NBAS: variants seen among roughly 807,000 people sequenced by gnomAD.
NBAS encodes NBAS subunit of NRZ tethering complex.
NBAS carries 219 observed loss-of-function variants against 302.5 expected under a neutral mutation model. That is an observed-to-expected ratio of 0.72 (90% CI 0.65 to 0.81). The LOEUF (loss-of-function observed/expected upper bound fraction) is 0.81. Ranked by LOEUF, NBAS falls within the 30% of genes least tolerant of loss-of-function variation. The pLI is 0.00. For missense variants in NBAS, 2,932 were observed against 2,841.6 expected, an observed-to-expected ratio of 1.03 and a Z score of -0.72; for synonymous variants, 1,118 against 1,021.6, an observed-to-expected ratio of 1.09 and a Z score of -1.80.
At chr2:15,233,491 G>A (rs1328006700) in intron 46 of NBAS, among the ~76,000 whole-genome samples, 1 of 152,052 alleles carries the variant, frequency 6.6e-6, no homozygotes, top group African/African-American at 2.4e-5. Context: ...ATATTTTTGT[G>A]AGCTTCATCT....
At chr2:15,327,393 C>G (rs1672119973) in intron 38 of NBAS, among the ~76,000 whole-genome samples, 1 of 152,210 alleles carries the variant, frequency 6.6e-6, no homozygotes, top group Non-Finnish European at 1.5e-5. Flanking sequence ...GCAGAAAATT[C>G]TGAAGATCAA....
intron 21 of NBAS, among the ~76,000 whole-genome samples, chr2:15,436,464 C>G (rs933429350): frequency 6.6e-6 from 1 of 151,776 alleles, no homozygotes; most frequent in African/African-American, 2.4e-5. Flanking sequence ...CCTCCAATGA[C>G]AGAAAAAATT....
the NBAS span, among the ~76,000 whole-genome samples, chr2:15,016,892 A>G: frequency 3.0e-4 from 46 of 152,202 alleles, no homozygotes; most frequent in Non-Finnish European, 6.6e-4. Flanking sequence ...TATGGTGTAC[A>G]TGAGATGGTT....
chr2:14,846,440 GAAAAAAAA>G, the NBAS span, among the ~76,000 whole-genome samples: 2 of 101,780 alleles, frequency 2.0e-5, no homozygotes, highest in South Asian at 6.3e-4. Flanking sequence ...ACTTCAATTA[GAAAAAAAA>G]AAAAAAGGAT....
At chr2:15,042,568 C>A in the NBAS span, among the ~76,000 whole-genome samples, 1 of 152,204 alleles carries the variant, frequency 6.6e-6, no homozygotes. Context: ...GTCTTCTTTG[C>A]ATCTCTTCTG....
intron 1 of NBAS, 68 bp from the exon 2 acceptor site, chr2:15,558,702 C>G: frequency 2.5e-6 from 3 of 1,176,474 alleles, no homozygotes; most frequent in Non-Finnish European, 3.8e-6. Flanking sequence ...ATTACTTATA[C>G]AATATGTAAA....
intron 42 of NBAS, among the ~76,000 whole-genome samples, chr2:15,283,553 G>A (rs1298635212): frequency 1.3e-5 from 2 of 152,026 alleles, no homozygotes; most frequent in African/African-American, 2.4e-5. Context: ...TTCGTCTTTC[G>A]CCATGATTGT....
chr2:14,878,487 A>T, the NBAS span, among the ~76,000 whole-genome samples: 1 of 152,192 alleles, frequency 6.6e-6, no homozygotes, highest in Non-Finnish European at 1.5e-5. Flanking sequence ...CCTTTGGCCA[A>T]GGGAAATTCT....
At chr2:15,254,761 C>G (rs1425193167) in intron 44 of NBAS, among the ~76,000 whole-genome samples, 1 of 152,178 alleles carries the variant, frequency 6.6e-6, no homozygotes, top group African/African-American at 2.4e-5. Context: ...GTCCCCATAG[C>G]TTAGCTCCCA....
intron 22 of NBAS, among the ~76,000 whole-genome samples, chr2:15,425,105 A>G (rs989275297): frequency 6.6e-6 from 1 of 152,102 alleles, no homozygotes; most frequent in African/African-American, 2.4e-5. Context: ...GGGATTGCTG[A>G]TCATGAGGAG....
At chr2:15,188,870 T>G (rs1665211622) in intron 49 of NBAS, among the ~76,000 whole-genome samples, 1 of 152,198 alleles carries the variant, frequency 6.6e-6, no homozygotes, top group Non-Finnish European at 1.5e-5. Context: ...AATCTACAAT[T>G]CAACTCTAAT....
Position 15,539,443 on chromosome 2 carries a change from TCAAGTA to T in NBAS, c.380-93_380-88del, listed in dbSNP as rs146688942. 2.0e-4 allele frequency: 293 copies of T among 1,476,004 alleles called. No individual in the cohort carries two copies. The African/African-American group carries it at 3.6e-3, about 18-fold the overall frequency. 91.4% of individuals were successfully genotyped at this position (1,476,004 alleles called of 1,614,324 possible). ...TAGTAACTGCAACTAAAGTAAGTAT[TCAAGTA>T]CAATAATTACGTCATCTCCTAAGGA... On this transcript the variant is annotated intron_variant, in intron 6 of 51. Coordinates refer to ENST00000281513, the MANE Select transcript of NBAS (RefSeq NM_015909.4).
the NBAS span, among the ~76,000 whole-genome samples, chr2:15,070,377 C>T: frequency 6.6e-6 from 1 of 152,172 alleles, no homozygotes; most frequent in East Asian, 1.9e-4. Context: ...ATGGAGGCTG[C>T]AGGACCCCAC....
the NBAS span, among the ~76,000 whole-genome samples, chr2:15,050,978 G>A: frequency 2.6e-5 from 4 of 152,144 alleles, no homozygotes; most frequent in African/African-American, 7.2e-5. Flanking sequence ...AGTGCCAAGA[G>A]TCTCCTTGTC....
chr2:15,191,432 T>C (rs1278803081), intron 48 of NBAS, among the ~76,000 whole-genome samples: 1 of 152,256 alleles, frequency 6.6e-6, no homozygotes, highest in East Asian at 1.9e-4. Flanking sequence ...GAAGCCTTGT[T>C]CACACAGTGA....
chr2:15,005,403 T>C, the NBAS span, among the ~76,000 whole-genome samples: 1 of 152,246 alleles, frequency 6.6e-6, no homozygotes, highest in Non-Finnish European at 1.5e-5. Flanking sequence ...GAGCGATTCA[T>C]TTAGTTATTC....
intron 48 of NBAS, among the ~76,000 whole-genome samples, chr2:15,206,869 C>T (rs1023828095): frequency 2.0e-5 from 3 of 152,170 alleles, no homozygotes; most frequent in Non-Finnish European, 4.4e-5. Context: ...TCCAGGAAAA[C>T]GTCTGCTACA....
the NBAS span, among the ~76,000 whole-genome samples, chr2:14,793,495 C>G: frequency 7.9e-5 from 12 of 151,920 alleles, no homozygotes; most frequent in African/African-American, 2.9e-4. Context: ...ACCATAGAAT[C>G]CACACAATCT....
At chr2:14,808,027 T>G in the NBAS span, among the ~76,000 whole-genome samples, 1 of 152,218 alleles carries the variant, frequency 6.6e-6, no homozygotes, top group Admixed American at 6.5e-5. Flanking sequence ...ATACTCATCT[T>G]TAACTCAAGC....
Sources: allele counts gnomAD v4.1 joint callset (sites outside exome capture counted in the v4.1 genomes callset), GRCh38; gene constraint gnomAD v4.1.1; transcripts MANE v1.5; gene names NCBI Gene and HGNC (gene_info 2026-07-23, HGNC 2026-07-21).